The following PPIP5K1 variants were observed in gnomAD, a reference collection of about 807,000 sequenced individuals.
PPIP5K1 encodes the protein diphosphoinositol pentakisphosphate kinase 1.
PPIP5K1 carries 6 observed loss-of-function variants against 27.7 expected under a neutral mutation model. That is an observed-to-expected ratio of 0.22 (90% CI 0.12 to 0.43). The LOEUF (loss-of-function observed/expected upper bound fraction) is 0.43. PPIP5K1 is among the 20% of genes least tolerant of loss of function. The pLI is 1.00. For synonymous variants in PPIP5K1, 145 were observed against 242.6 expected, an observed-to-expected ratio of 0.60 and a Z score of 3.74; for missense variants, 394 against 635.4, an observed-to-expected ratio of 0.62 and a Z score of 4.08.
intron 30 of PPIP5K1, among the ~76,000 whole-genome samples, chr15:43,554,270 T>C (rs1209897540): frequency 6.6e-6 from 1 of 152,242 alleles, no homozygotes; most frequent in Non-Finnish European, 1.5e-5. Flanking sequence ...AATTGTTTTA[T>C]CTTCCAATAA....
intron 31 of PPIP5K1, 67 bp from the exon 32 acceptor site, chr15:43,535,543 G>T: frequency 7.8e-7 from 1 of 1,274,466 alleles, no homozygotes; most frequent in Non-Finnish European, 1.1e-6. Context: ...TGTGCAGATA[G>T]TTCAAATGCT....
At chr15:43,560,319 G>T in intron 29 of PPIP5K1, 94 bp downstream of exon 29, 1 of 1,053,218 alleles carries the variant, frequency 9.5e-7, no homozygotes, top group Non-Finnish European at 1.3e-6. Context: ...ATAGGAGAAA[G>T]AAATAGGTGG....
rs1478605112 is a variant in PPIP5K1 at position 43,535,117 on chromosome 15, G to T, written c.4030C>A (p.Gln1344Lys). ...QPCQKVPDIS[Q>K]QCQENHDNGN... ...TTGTCATGGTTCTCCTGGCATTGCT[G>T]GCTGATGTCAGGGACCTTCTGACAT... Residue 1344 changes from glutamine to lysine, a missense_variant, in exon 32 of 32, where the codon CAG becomes AAG. Physicochemically the swap from Gln to Lys is moderately conservative, Grantham distance 53. Transcript: ENST00000420765. The T allele has an allele frequency of 6.2e-7, 1 of 1,613,790 alleles. No homozygotes were observed. Among genetic ancestry groups the T allele is most frequent in the Admixed American group, 1.7e-5 (1 of 59,984 alleles).
At chr15:43,557,875 T>G (rs2083207771) in intron 30 of PPIP5K1, among the ~76,000 whole-genome samples, 1 of 147,826 alleles carries the variant, frequency 6.8e-6, no homozygotes, top group South Asian at 2.2e-4. Flanking sequence ...CTCACTATGT[T>G]GCACAGGCTA....
chr15:43,544,199 CT>C (rs1236133323), intron 30 of PPIP5K1, among the ~76,000 whole-genome samples: 1 of 152,092 alleles, frequency 6.6e-6, no homozygotes, highest in Non-Finnish European at 1.5e-5. Flanking sequence ...CTGGTTTATA[CT>C]TCTAGCAAGT....
At chr15:43,539,238 C>T (rs1420713986) in intron 31 of PPIP5K1, among the ~76,000 whole-genome samples, 3 of 151,946 alleles carry the variant, frequency 2.0e-5, no homozygotes, top group African/African-American at 7.2e-5. Context: ...TGCAGAAAAC[C>T]TTCTCTCCAA....
rs1297968290 is a variant in PPIP5K1, at chr15:43,539,525, A to G, written c.3615T>C (p.Arg1205=). ...GTTGCAGGGGAGGTGAATGAAGAGT[A>G]CGTGGTGGAGAAAATGGGTTATCTG... ...QASDNPFSPP[R]TLHSPPLQLQ... Residue 1205 remains arginine, a synonymous_variant, in exon 31 of 32, where the codon CGT becomes CGC. Coordinates refer to ENST00000420765, the MANE Select transcript of PPIP5K1 (RefSeq NM_001394395.1). The G allele has an allele frequency of 1.9e-6, 3 of 1,610,710 alleles. No homozygotes were observed. In the East Asian group the frequency reaches 6.7e-5, roughly 36 times the overall value.
chr15:43,540,821 C>T (rs2080582253), intron 30 of PPIP5K1, among the ~76,000 whole-genome samples: 1 of 143,632 alleles, frequency 7.0e-6, no homozygotes, highest in African/African-American at 2.6e-5. Flanking sequence ...GAGATTGTGC[C>T]ACTGCACTCT....
intron 10 of PPIP5K1, among the ~76,000 whole-genome samples, chr15:43,579,383 T>TACACACACACACAC (rs371291746): frequency 1.5e-4 from 13 of 84,304 alleles, no homozygotes; most frequent in East Asian, 5.0e-4. Flanking sequence ...TTCGATTATA[T>TACACACACACACAC]ACACACACAC....
At chr15:43,552,940 G>C (rs2082418100) in intron 30 of PPIP5K1, among the ~76,000 whole-genome samples, 1 of 152,068 alleles carries the variant, frequency 6.6e-6, no homozygotes, top group African/African-American at 2.4e-5. Context: ...CTACTCAGGA[G>C]GCTGAGGTGG....
chr15:43,540,160 G>C (rs1485802797), intron 30 of PPIP5K1, among the ~76,000 whole-genome samples: 1 of 152,188 alleles, frequency 6.6e-6, no homozygotes, highest in African/African-American at 2.4e-5. Context: ...GCTGAGGCTT[G>C]AGAATCGCTT....
chr15:43,581,212 TG>T lies in PPIP5K1; in HGVS notation c.939+14del. On this transcript the variant is annotated intron_variant, in intron 9 of 31. Transcript: ENST00000420765. ...TTTCTCCTTCATTTCACAACCTCCC[TG>T]GGCCCTCCTCTACCTTGAAAGCTAC... The T allele has an allele frequency of 6.3e-7, 1 of 1,578,322 alleles. No individual in the cohort carries two copies.
rs1306054464 is a variant in PPIP5K1 at position 43,535,332 on chromosome 15, T to C, written c.3815A>G (p.Gln1272Arg). ...AEEHQGLGLL[Q>R]ETPGSGAQEL... ...TTGTGCTCCACTCCCAGGGGTCTCC[T>C]GGAGCAGCCCAAGGCCTTGATGTTC... is the stretch of plus-strand genomic sequence containing the variant. Residue 1272 changes from glutamine (Q) to arginine (R), a missense_variant, in exon 32 of 32, where the codon CAG (glutamine) becomes CGG (arginine). Coordinates refer to ENST00000420765, the MANE Select transcript of PPIP5K1 (RefSeq NM_001394395.1). 6.2e-7 allele frequency: 1 copy of C among 1,614,200 alleles called. No homozygotes were observed. Among genetic ancestry groups the C allele is most frequent in the East Asian group, 2.2e-5 (1 of 44,882 alleles).
At chr15:43,540,914 T>C (rs1339031589) in intron 30 of PPIP5K1, among the ~76,000 whole-genome samples, 1 of 151,540 alleles carries the variant, frequency 6.6e-6, no homozygotes, top group Admixed American at 6.6e-5. Flanking sequence ...AAGAAATTTT[T>C]CCAACATAGC....
In PPIP5K1 at chr15:43,536,968, T is replaced by C. The variant is rs568866242; in HGVS notation, c.3671-1492A>G. Among the ~76,000 whole-genome samples the C allele has an allele frequency of 1.6e-4, 25 of 152,202 alleles. No homozygotes were observed. In the East Asian group the frequency reaches 3.9e-3, roughly 24 times the overall value. ...TGCCATTGAAGAAAACCTTGAAAAG[T>C]TGGTAAACCTGAGCCTACAAAGGCT... On this transcript the variant is annotated intron_variant, in intron 31 of 31. Coordinates refer to ENST00000420765, the MANE Select transcript of PPIP5K1 (RefSeq NM_001394395.1).
chr15:43,540,122 C>T (rs984727382), intron 30 of PPIP5K1, among the ~76,000 whole-genome samples: 1 of 152,034 alleles, frequency 6.6e-6, no homozygotes, highest in Non-Finnish European at 1.5e-5. Flanking sequence ...CATGGTGGCA[C>T]ATGCCTGTAA....
At chr15:43,558,562 G>A (rs531757646) in intron 30 of PPIP5K1, among the ~76,000 whole-genome samples, 1 of 151,438 alleles carries the variant, frequency 6.6e-6, no homozygotes, top group South Asian at 2.1e-4. Context: ...TCGCCATCTT[G>A]GCCAGGCTTG....
intron 30 of PPIP5K1, among the ~76,000 whole-genome samples, chr15:43,550,123 T>C (rs889182789): frequency 4.0e-5 from 6 of 151,730 alleles, no homozygotes; most frequent in African/African-American, 9.7e-5. Flanking sequence ...TTTTTGTGAG[T>C]TGATCTTTCT....
At chr15:43,550,060 C>T (rs982289446) in intron 30 of PPIP5K1, among the ~76,000 whole-genome samples, 1 of 152,176 alleles carries the variant, frequency 6.6e-6, no homozygotes, top group African/African-American at 2.4e-5. Flanking sequence ...CCCGCCTTAG[C>T]CTCTCAAAGT....
Sources: gnomAD v4.1 joint callset for allele counts (sites outside exome capture counted in the v4.1 genomes callset) on GRCh38, gnomAD v4.1.1 for gene constraint, MANE v1.5 for transcripts, NCBI Gene and HGNC (gene_info 2026-07-23, HGNC 2026-07-21) for gene names.